The following NAP1L1 variants were observed in gnomAD, a reference collection of about 807,000 sequenced individuals.
NAP1L1 encodes nucleosome assembly protein 1-like 1.
NAP1L1 carries 9 observed loss-of-function variants against 58.9 expected under a neutral mutation model. That is an observed-to-expected ratio of 0.15 (90% confidence interval 0.09 to 0.27). The LOEUF (loss-of-function observed/expected upper bound fraction) is 0.27. Among genes scored for constraint, NAP1L1 ranks in the 10% least tolerant of loss-of-function variants. NAP1L1 has a pLI of 1.00. For missense variants in NAP1L1, 302 were observed against 458.8 expected (o/e 0.66, Z 3.12); for synonymous variants, 130 against 138.3 (o/e 0.94, Z 0.42).
rs754242547 is a variant in NAP1L1, at chr12:76,060,270, C to T, written c.216G>A (p.Arg72=). ...GAGCATTCACTCGTCTTTTAACTAC[C>T]CTAGGCAGGCTGAAAGGTTAGAAAT... The part of the protein sequence containing the change: ...TPTGYIESLP[R]VVKRRVNALK... The change falls in exon 5 of 15, where the codon AGG becomes AGA. Residue 72 remains arginine (R), a synonymous_variant. Transcript: ENST00000618691. 52 of 1,613,440 alleles carry T rather than the reference C, an allele frequency of 3.2e-5. No individual in the cohort carries two copies. The highest frequency in any genetic ancestry group is 6.6e-5 in the South Asian group (6 of 91,050).
intron 1 of NAP1L1, among the ~76,000 whole-genome samples, chr12:76,076,009 A>C (rs1950156775): frequency 6.6e-6 from 1 of 152,180 alleles, no homozygotes; most frequent in Non-Finnish European, 1.5e-5. Flanking sequence ...TAAAAACATA[A>C]AAATTAAAAA....
intron 7 of NAP1L1, 111 bp downstream of exon 7, chr12:76,055,922 G>A: frequency 8.9e-7 from 1 of 1,119,484 alleles, no homozygotes; most frequent in Non-Finnish European, 1.3e-6. Context: ...TATTTCAAAA[G>A]TAAGCAATCA....
rs1178199883 is a variant in NAP1L1 at position 76,046,345 on chromosome 12, C to G, written c.*2084G>C. On this transcript the variant is annotated 3_prime_UTR_variant, in exon 15 of 15. Transcript: ENST00000618691. The stretch of plus-strand genomic sequence containing the variant: ...TGCAAACCACATCCCCTTTATGTAA[C>G]AAGACTAGGTATTATCTACACCTTC... 2.0e-5 allele frequency: 3 copies of G among 152,160 alleles called. No homozygotes were observed. The highest frequency in any genetic ancestry group is 4.4e-5 in the Non-Finnish European group (3 of 67,820). The allele number at this position is 152,160 out of a possible 1,614,324, so 9.4% of individuals were successfully genotyped here.
rs1435661407 is a variant in NAP1L1, at chr12:76,059,817, T to C, written c.410A>G (p.Asp137Gly). ...PTEEECEWKP[D>G]EEDEISEELK... ...ACTAACCGAAATCTCATCTTCTTCA[T>C]CTGGTTTCCATTCACATTCTTCTTC... Residue 137 changes from aspartate (D) to glycine (G), a missense_variant, in exon 6 of 15, where the codon GAT becomes GGT. Transcript: ENST00000618691. 1 of 1,604,078 alleles carries C rather than the reference T, an allele frequency of 6.2e-7. No individual in the cohort carries two copies.
intron 4 of NAP1L1, among the ~76,000 whole-genome samples, chr12:76,065,076 G>A (rs377711688): frequency 7.9e-4 from 120 of 152,178 alleles, no homozygotes; most frequent in African/African-American, 2.8e-3. Flanking sequence ...AGTAAGAACT[G>A]TAAAATTCAA....
At chr12:76,077,441 T>C (rs1950220387) in intron 1 of NAP1L1, among the ~76,000 whole-genome samples, 1 of 152,100 alleles carries the variant, frequency 6.6e-6, no homozygotes, top group African/African-American at 2.4e-5. Flanking sequence ...CAGAAAAACA[T>C]CTGAGGAAGT....
At chr12:76,078,094 A>T (rs1001806076) in intron 1 of NAP1L1, among the ~76,000 whole-genome samples, 8 of 152,118 alleles carry the variant, frequency 5.3e-5, no homozygotes, top group Non-Finnish European at 8.8e-5. Flanking sequence ...GTAAGGAATC[A>T]CCAGCCCAAA....
chr12:76,050,528 T>C lies in NAP1L1; in HGVS notation c.1059+3A>G. 6.2e-7 allele frequency: 1 copy of C among 1,602,488 alleles called. No homozygotes were observed. On this transcript the variant is annotated splice_donor_region_variant and intron_variant, in intron 12 of 14. Transcript: ENST00000618691. ...TTTCTTTGCAGGATTCAAATTCGCT[T>C]ACATCATCATCATCATCTTCAATAG...
intron 4 of NAP1L1, among the ~76,000 whole-genome samples, chr12:76,066,666 T>C (rs772293016): frequency 3.9e-5 from 6 of 152,134 alleles, no homozygotes; most frequent in Non-Finnish European, 7.4e-5. Flanking sequence ...ATGGTGCCAA[T>C]TGTTGGCAGA....
At chr12:76,074,421 G>C (rs1176414309) in intron 1 of NAP1L1, 182 bp from the exon 2 acceptor site, 1 of 920,632 alleles carries the variant, frequency 1.1e-6, no homozygotes, top group Non-Finnish European at 1.3e-6. Flanking sequence ...TTCCTTACTA[G>C]TACCAAAAAT....
In NAP1L1 at chr12:76,041,580, C is replaced by T. The variant is rs1328466572; in HGVS notation, c.*6849G>A. 1.3e-5 allele frequency: 2 copies of T among 152,220 alleles called. No homozygotes were observed. The highest frequency in any genetic ancestry group is 2.9e-5 in the Non-Finnish European group (2 of 68,058). The allele number at this position is 152,220 out of a possible 1,614,324, so 9.4% of individuals were successfully genotyped here. On this transcript the variant is annotated 3_prime_UTR_variant, in exon 15 of 15. Coordinates refer to ENST00000618691, the MANE Select transcript of NAP1L1 (RefSeq NM_004537.7). The stretch of plus-strand genomic sequence containing the variant: ...TGAATAGCAAAGACAACAGTTCCAG[C>T]CTCCAGTTTTGAAATCCATAGTTAA...
chr12:76,060,002 T>G (rs1949330736), intron 5 of NAP1L1, 124 bp from the exon 6 acceptor site: 24 of 1,177,000 alleles, frequency 2.0e-5, no homozygotes, highest in Non-Finnish European at 2.9e-5. Context: ...CTGCTATTAT[T>G]GATAGTTCCT....
chr12:76,069,943 TTTTTA>T (rs1395018715), intron 2 of NAP1L1, among the ~76,000 whole-genome samples: 7 of 152,214 alleles, frequency 4.6e-5, no homozygotes, highest in Non-Finnish European at 1.0e-4. Context: ...CTGTGTAAAT[TTTTTA>T]TTTTAACATT....
At chr12:76,062,719 A>C (rs1055358784) in intron 4 of NAP1L1, among the ~76,000 whole-genome samples, 1 of 152,228 alleles carries the variant, frequency 6.6e-6, no homozygotes, top group Non-Finnish European at 1.5e-5. Context: ...CAGATGGAAA[A>C]TAGAAAAGCT....
intron 7 of NAP1L1, among the ~76,000 whole-genome samples, chr12:76,055,747 T>A (rs909534722): frequency 4.6e-5 from 7 of 152,196 alleles, no homozygotes; most frequent in African/African-American, 1.7e-4. Context: ...CCCATCATAC[T>A]TCCATACTAA....
At chr12:76,073,721 A>T (rs1324974644) in intron 2 of NAP1L1, 1 of 152,580 alleles carries the variant, frequency 6.6e-6, no homozygotes, top group Admixed American at 6.5e-5. Flanking sequence ...AGCAAAAGCC[A>T]GGATAGCACT....
intron 13 of NAP1L1, 23 bp from the exon 14 acceptor site, chr12:76,049,273 T>TCCA: frequency 6.2e-7 from 1 of 1,613,290 alleles, no homozygotes. Context: ...TCAAAATGCA[T>TCCA]CCATGAAGTA....
intron 1 of NAP1L1, among the ~76,000 whole-genome samples, chr12:76,076,549 A>ATATATATAT: frequency 8.3e-6 from 1 of 120,610 alleles, no homozygotes; most frequent in South Asian, 2.9e-4. Context: ...TGGATATGGA[A>ATATATATAT]ATATATATAT....
chr12:76,058,194 CATATATATATATAT>C (rs3082540), intron 6 of NAP1L1: 112,842 of 371,034 alleles, frequency 0.3, 25,644 homozygotes, highest in East Asian at 0.67. Flanking sequence ...GAGAGGCCTA[CATATATATATATAT>C]ATATATATAT....
Sources: gnomAD v4.1 joint callset for allele counts (sites outside exome capture counted in the v4.1 genomes callset) on GRCh38, gnomAD v4.1.1 for gene constraint, MANE v1.5 for transcripts, NCBI Gene and HGNC (gene_info 2026-07-23, HGNC 2026-07-21) for gene names.